The following RALGDS variants were observed in gnomAD, a reference collection of about 807,000 sequenced individuals.
RALGDS encodes ral guanine nucleotide dissociation stimulator, also known as ral guanine nucleotide exchange factor.
A neutral mutation model predicts 99.8 loss-of-function variants in RALGDS; 44 were observed. The observed-to-expected ratio is 0.44, with a 90% CI of 0.35 to 0.57. RALGDS has a LOEUF of 0.57. Ranked by LOEUF, RALGDS falls within the 20% of genes least tolerant of loss-of-function variation. The probability of loss-of-function intolerance (pLI) is 0.01; values close to 1 mark genes in which losing one functional copy is unlikely to be tolerated. For synonymous variants in RALGDS, 529 were observed against 505.0 expected (o/e 1.05, Z -0.64); for missense variants, 1,022 against 1,203.1 (o/e 0.85, Z 2.23).
rs1448040443 is a variant in RALGDS at position 133,144,708 on chromosome 9, C to T, written c.18+4255G>A. On this transcript the variant is annotated intron_variant, in intron 1 of 17. Coordinates refer to the RALGDS transcript ENST00000393160. The surrounding 1 kb of genome is among the most constrained non-coding windows in gnomAD (Gnocchi z 4.5). ...GGGTTCCTGCGATGTCTTCCGACTC[C>T]CCGCTGCTCCCCTAGTCCCCGTAGG... is the stretch of plus-strand genomic sequence containing the variant. Among the ~76,000 whole-genome samples the T allele has an allele frequency of 1.3e-5, 2 of 152,240 alleles. No individual in the cohort carries two copies. Among genetic ancestry groups the T allele is most frequent in the Non-Finnish European group, 2.9e-5 (2 of 68,038 alleles).
chr9:133,132,497 TTTCC>T (rs1337809655), upstream of RALGDS, among the ~76,000 whole-genome samples: 5 of 152,228 alleles, frequency 3.3e-5, no homozygotes, highest in East Asian at 9.7e-4. Context: ...TGAGCCTCGG[TTTCC>T]TTGTCTGCAA....
Position 133,104,302 on chromosome 9 carries a change from C to T in RALGDS, c.1632G>A (p.Glu544=). The change falls in exon 10 of 18, where the codon GAG becomes GAA. Residue 544 remains glutamate (E), a synonymous_variant. Coordinates refer to ENST00000372050, the MANE Select transcript of RALGDS (RefSeq NM_006266.4). ...GTTTCTGGGCTCTCTTGGGGTTCAT[C>T]TCCAGGGTGGCAAACTTGGAGGTGC... The part of the protein sequence containing the change: ...KEGTSKFATL[E]MNPKRAQKRP... The T allele has an allele frequency of 1.2e-6, 2 of 1,613,960 alleles. No homozygotes were observed. Among genetic ancestry groups the T allele is most frequent in the Non-Finnish European group, 1.7e-6 (2 of 1,179,864 alleles).
intron 1 of RALGDS, among the ~76,000 whole-genome samples, chr9:133,137,458 C>T (rs958514349): frequency 6.6e-6 from 1 of 152,202 alleles, no homozygotes; most frequent in African/African-American, 2.4e-5. Context: ...ACCAGGAGAG[C>T]TCCTTGGAAG....
chr9:133,117,285 G>T (rs564783167), intron 1 of RALGDS, among the ~76,000 whole-genome samples: 2 of 152,328 alleles, frequency 1.3e-5, no homozygotes, highest in Middle Eastern at 3.4e-3. Flanking sequence ...CCATTTTACA[G>T]ATGAGGAAAC....
At chr9:133,127,745 G>A (rs1832207815) in intron 1 of RALGDS, among the ~76,000 whole-genome samples, 1 of 152,220 alleles carries the variant, frequency 6.6e-6, no homozygotes, top group South Asian at 2.1e-4. Context: ...AGGATGCAGG[G>A]GTCCCCACAG....
At chr9:133,125,435 G>A (rs896504029), upstream of RALGDS, among the ~76,000 whole-genome samples, 3 of 152,112 alleles carry the variant, frequency 2.0e-5, no homozygotes, top group African/African-American at 7.2e-5. Context: ...CATAATAAAA[G>A]TTATAAGAAG....
At position 133,144,594 on chromosome 9, in the gene RALGDS, G is replaced by A. The variant is rs1832593368; in HGVS notation, c.18+4369C>T. 6.6e-6 allele frequency among the ~76,000 whole-genome samples: 1 copy of A among 152,228 alleles called. No homozygotes were observed. Among genetic ancestry groups the A allele is most frequent in the Non-Finnish European group, 1.5e-5 (1 of 68,040 alleles). ...CTGGGCGGCCGCACGGGAGGGCACA[G>A]CGCCACCTGCTGGTGCTGCCGCCAG... On this transcript the variant is annotated intron_variant, in intron 1 of 17. Transcript: ENST00000393160. The surrounding 1 kb of genome is among the most constrained non-coding windows in gnomAD (Gnocchi z 4.5).
At chr9:133,148,914 C>T in intron 1 of RALGDS, 2 of 1,588,848 alleles carry the variant, frequency 1.3e-6, no homozygotes. Flanking sequence ...CTGGGGCATA[C>T]GGTCCTCCCT....
chr9:133,127,559 C>T (rs1170968088), intron 1 of RALGDS, among the ~76,000 whole-genome samples: 2 of 152,190 alleles, frequency 1.3e-5, no homozygotes, highest in Admixed American at 6.5e-5. Context: ...CCTAGCCTGC[C>T]TAGGTCCTGG....
chr9:133,107,399 GT>G, intron 6 of RALGDS, 99 bp from the exon 7 acceptor site: 1 of 1,087,316 alleles, frequency 9.2e-7, no homozygotes, highest in Non-Finnish European at 1.4e-6. Context: ...GGATCTCTGG[GT>G]TTTATCCCGT....
At position 133,144,348 on chromosome 9, in the gene RALGDS, A is replaced by G. The variant is rs1832587781; in HGVS notation, c.18+4615T>C. ...GCCCCGCTGACACCACGGTCTGCAA[A>G]CCATGGTCCTCCTCGCCACCCCTGT... On this transcript the variant is annotated intron_variant, in intron 1 of 17. Transcript: ENST00000393160. The surrounding 1 kb of genome is among the most constrained non-coding windows in gnomAD (Gnocchi z 4.5). Among the ~76,000 whole-genome samples the G allele has an allele frequency of 6.6e-6, 1 of 151,782 alleles. No homozygotes were observed. The highest frequency in any genetic ancestry group is 2.4e-5 in the African/African-American group (1 of 41,294).
chr9:133,103,669 G>C, intron 11 of RALGDS, 78 bp downstream of exon 11: 2 of 1,405,580 alleles, frequency 1.4e-6, no homozygotes, highest in Non-Finnish European at 2.0e-6. Flanking sequence ...GCTGGGACAG[G>C]TGTGGCAGCC....
At chr9:133,119,821 G>C (rs1157440588) in intron 1 of RALGDS, among the ~76,000 whole-genome samples, 1 of 152,168 alleles carries the variant, frequency 6.6e-6, no homozygotes, top group Non-Finnish European at 1.5e-5. Flanking sequence ...CCCCCACCAA[G>C]AGCTCTGCCC....
intron 17 of RALGDS, 22 bp downstream of exon 17, chr9:133,100,246 G>T: frequency 6.2e-7 from 1 of 1,605,692 alleles, no homozygotes; most frequent in Non-Finnish European, 8.5e-7. Context: ...CTCTGCCATC[G>T]CCCTCTGGTC....
intron 1 of RALGDS, chr9:133,129,327 G>C: frequency 6.4e-7 from 1 of 1,573,616 alleles, no homozygotes; most frequent in Non-Finnish European, 8.6e-7. Flanking sequence ...ATGGTGGGGC[G>C]AGAGCCAGGT....
At chr9:133,145,519 A>C (rs1368840206) in intron 1 of RALGDS, among the ~76,000 whole-genome samples, 1 of 152,188 alleles carries the variant, frequency 6.6e-6, no homozygotes, top group Non-Finnish European at 1.5e-5. Flanking sequence ...GTAAAAATCA[A>C]GTGGCAGCAG....
In RALGDS at chr9:133,098,384, C is replaced by A; in HGVS notation, c.*203G>T. 1 of 610,654 alleles carries A rather than the reference C, an allele frequency of 1.6e-6. No individual in the cohort carries two copies. The highest frequency in any genetic ancestry group is 2.9e-6 in the Non-Finnish European group (1 of 345,096). 37.8% of individuals were successfully genotyped at this position (610,654 alleles called of 1,614,324 possible). ...CTCTGGTTCCAGAGAGCAGAAGGCA[C>A]CTAAGGCAGCGAGTGGTCCACGGGA... On this transcript the variant is annotated 3_prime_UTR_variant, in exon 18 of 18. Coordinates refer to ENST00000372050, the MANE Select transcript of RALGDS (RefSeq NM_006266.4).
Position 133,098,345 on chromosome 9 carries a change from A to G in RALGDS, c.*242T>C. 1.8e-6 allele frequency: 1 copy of G among 556,474 alleles called. No homozygotes were observed. Among genetic ancestry groups the G allele is most frequent in the South Asian group, 2.0e-5 (1 of 50,272 alleles). The allele number at this position is 556,474 out of a possible 1,614,324, so 34.5% of individuals were successfully genotyped here. A position where few individuals can be genotyped will look rare whatever the true frequency, so the allele number is the denominator to read the frequency against. ...TGCCCGTTGGCACTGCTCCTTGGCA[A>G]AAGTCAGCTAGTCCTCTGGTTCCAG... On this transcript the variant is annotated 3_prime_UTR_variant, in exon 18 of 18. Transcript: ENST00000372050.
intron 9 of RALGDS, among the ~76,000 whole-genome samples, chr9:133,105,670 C>T (rs1311602491): frequency 6.6e-6 from 1 of 152,162 alleles, no homozygotes; most frequent in Admixed American, 6.5e-5. Flanking sequence ...CCCATCTACT[C>T]CTCCTGGAAC....
Sources: allele counts gnomAD v4.1 joint callset (sites outside exome capture counted in the v4.1 genomes callset), GRCh38; gene constraint gnomAD v4.1.1; non-coding constraint Gnocchi (gnomAD v3.1); transcripts MANE v1.5; gene names NCBI Gene and HGNC (gene_info 2026-07-23, HGNC 2026-07-21).